GTF2I: variants seen among roughly 807,000 people sequenced by gnomAD.
The protein encoded by GTF2I is general transcription factor II-I.
Under a neutral mutation model 67.6 loss-of-function variants are expected in GTF2I, and 12 were observed. That is an observed-to-expected ratio of 0.18 (90% CI 0.11 to 0.29). GTF2I has a LOEUF of 0.29. Ranked by LOEUF, GTF2I falls within the 10% of genes least tolerant of loss-of-function variation. GTF2I has a pLI of 1.00. For missense variants in GTF2I, 271 were observed against 580.1 expected, an observed-to-expected ratio of 0.47 and a Z score of 5.47; for synonymous variants, 149 against 197.0, an observed-to-expected ratio of 0.76 and a Z score of 2.04.
intron 1 of GTF2I, among the ~76,000 whole-genome samples, chr7:74,674,225 C>T (rs1207201047): frequency 6.6e-6 from 1 of 151,612 alleles, no homozygotes; most frequent in African/African-American, 2.4e-5. Flanking sequence ...GTGTACCACA[C>T]CTGGATACTT....
At chr7:74,708,305 A>G (rs1402497667) in intron 8 of GTF2I, among the ~76,000 whole-genome samples, 2 of 152,214 alleles carry the variant, frequency 1.3e-5, no homozygotes, top group African/African-American at 2.4e-5. Context: ...CTCCATCTCA[A>G]AACAAAACAA....
At chr7:74,716,753 G>A (rs948575204) in intron 10 of GTF2I, 141 bp from the exon 11 acceptor site, 14 of 561,144 alleles carry the variant, frequency 2.5e-5, no homozygotes, top group Non-Finnish European at 3.8e-5. Flanking sequence ...AACATTGTTC[G>A]ACTTAACTGC....
intron 6 of GTF2I, among the ~76,000 whole-genome samples, chr7:74,703,006 G>T (rs973155911): frequency 2.0e-5 from 3 of 151,876 alleles, no homozygotes; most frequent in African/African-American, 4.8e-5. Flanking sequence ...CAAAGTGCTG[G>T]GATTACAGGC....
intron 1 of GTF2I, among the ~76,000 whole-genome samples, chr7:74,680,114 ATATG>A (rs797040442): frequency 0.017 from 2,071 of 121,052 alleles, 92 homozygotes; most frequent in African/African-American, 0.055. Context: ...ATATATATAT[ATATG>A]TATGTATGTA....
chr7:74,743,708 C>CA (rs1795227547), intron 20 of GTF2I, 188 bp downstream of exon 20: 1 of 517,142 alleles, frequency 1.9e-6, no homozygotes, highest in African/African-American at 1.9e-5. Flanking sequence ...ACGATGAAAC[C>CA]CCGTCTCTAC....
chr7:74,668,902 C>G (rs1463926073), intron 1 of GTF2I, among the ~76,000 whole-genome samples: 1 of 151,788 alleles, frequency 6.6e-6, no homozygotes, highest in East Asian at 1.9e-4. Flanking sequence ...TTTAAAAATA[C>G]ATTAATTTAT....
chr7:74,728,266 A>G (rs1303377553), intron 12 of GTF2I, among the ~76,000 whole-genome samples: 1 of 152,154 alleles, frequency 6.6e-6, no homozygotes, highest in African/African-American at 2.4e-5. Context: ...TGCATCACTG[A>G]ACTCCAGCCT....
At chr7:74,669,382 C>T (rs1235166933) in intron 1 of GTF2I, among the ~76,000 whole-genome samples, 4 of 151,526 alleles carry the variant, frequency 2.6e-5, no homozygotes, top group Admixed American at 1.3e-4. Context: ...GCGTGCACCA[C>T]AATGTCTGGC....
At chr7:74,662,016 G>A (rs1333412700) in intron 1 of GTF2I, among the ~76,000 whole-genome samples, 1 of 151,972 alleles carries the variant, frequency 6.6e-6, no homozygotes. Flanking sequence ...TGTAGTTTTG[G>A]CCCTTGGAGG....
intron 3 of GTF2I, among the ~76,000 whole-genome samples, chr7:74,696,382 A>G (rs1584167512): frequency 6.6e-6 from 1 of 151,546 alleles, no homozygotes; most frequent in East Asian, 1.9e-4. Context: ...CATGGAGTGC[A>G]GTGGTGCGAT....
rs992094963 is a variant in GTF2I at position 74,722,937 on chromosome 7, A to T, written c.943+3996A>T. 3.9e-5 allele frequency: 6 copies of T among 152,268 alleles called. No individual in the cohort carries two copies. In the East Asian group the frequency reaches 1.2e-3, roughly 29 times the overall value. 9.4% of individuals were successfully genotyped at this position (152,268 alleles called of 1,614,324 possible). The stretch of plus-strand genomic sequence containing the variant: ...TAAGATTTGAATAATACGTTTTTAG[A>T]GTTTCAGTATTTTAGTAGGGTTTAT... On this transcript the variant is annotated intron_variant, in intron 12 of 34. Transcript: ENST00000573035.
rs75015000 is a variant in GTF2I at position 74,710,579 on chromosome 7, C to A, written c.686-453C>A. Among the ~76,000 whole-genome samples the A allele has an allele frequency of 1.0e-3, 152 of 152,218 alleles. 2 individuals are homozygous for A. In the East Asian group the frequency reaches 0.027, roughly 27 times the overall value. On this transcript the variant is annotated intron_variant, in intron 8 of 34. Coordinates refer to ENST00000573035, the MANE Select transcript of GTF2I (RefSeq NM_032999.4). ...GTGTGCTTTGTACCCTTACACAAAT[C>A]CCTGTAATAAAAGGGATGTATTAGG...
intron 12 of GTF2I, among the ~76,000 whole-genome samples, chr7:74,726,180 A>G (rs1250961652): frequency 6.6e-6 from 1 of 152,184 alleles, no homozygotes; most frequent in Non-Finnish European, 1.5e-5. Flanking sequence ...CTTAACCTAT[A>G]GGGGAAATAC....
chr7:74,697,954 G>T (rs187663103), intron 3 of GTF2I, among the ~76,000 whole-genome samples: 1,581 of 147,228 alleles, frequency 0.011, 24 homozygotes, highest in African/African-American at 0.031. Flanking sequence ...TTTTTTGTTT[G>T]TTTGTTTGTT....
intron 1 of GTF2I, among the ~76,000 whole-genome samples, chr7:74,686,319 C>T (rs1787722036): frequency 6.6e-6 from 1 of 152,096 alleles, no homozygotes; most frequent in Admixed American, 6.6e-5. Context: ...CTTAGGTTCC[C>T]TGCCTCCAGA....
chr7:74,707,128 G>T (rs1554401625), intron 8 of GTF2I, among the ~76,000 whole-genome samples: 3 of 152,206 alleles, frequency 2.0e-5, no homozygotes, highest in Admixed American at 1.3e-4. Flanking sequence ...AGGATTACAG[G>T]CATAAGCCAC....
intron 14 of GTF2I, 134 bp from the exon 15 acceptor site, chr7:74,732,345 G>A (rs1169565585): frequency 8.3e-7 from 1 of 1,208,462 alleles, no homozygotes; most frequent in Admixed American, 4.1e-5. Flanking sequence ...CTGCACTGCA[G>A]CCTGGGAGAC....
At chr7:74,702,467 C>G (rs781820755) in intron 6 of GTF2I, among the ~76,000 whole-genome samples, 3 of 152,058 alleles carry the variant, frequency 2.0e-5, no homozygotes, top group Admixed American at 6.6e-5. Context: ...ACCTCATGAT[C>G]AAGGGAGGCC....
chr7:74,731,176 T>C (rs1745750770), intron 14 of GTF2I, among the ~76,000 whole-genome samples: 1 of 150,658 alleles, frequency 6.6e-6, no homozygotes, highest in African/African-American at 2.4e-5. Context: ...AAAATAAAAA[T>C]CATTTTATTT....
Sources: gnomAD v4.1 joint callset for allele counts (sites outside exome capture counted in the v4.1 genomes callset) on GRCh38, gnomAD v4.1.1 for gene constraint, MANE v1.5 for transcripts, NCBI Gene and HGNC (gene_info 2026-07-23, HGNC 2026-07-21) for gene names.